MED30: variants seen among roughly 807,000 people sequenced by gnomAD.
The protein encoded by MED30 is mediator complex subunit 30.
In MED30, 8 loss-of-function variants were observed where a neutral mutation model predicts 21.7. The observed-to-expected ratio is 0.37, with a 90% confidence interval of 0.22 to 0.67. MED30 has a LOEUF of 0.67. MED30 is among the 30% of genes least tolerant of loss of function. The pLI is 0.58. For synonymous variants in MED30, 79 were observed against 86.7 expected (o/e 0.91, Z 0.49); for missense variants, 203 against 228.2 (o/e 0.89, Z 0.71).
intron 1 of MED30, chr8:117,523,377 T>A (rs1450578807): frequency 6.5e-7 from 1 of 1,545,798 alleles, no homozygotes; most frequent in African/African-American, 1.4e-5. Flanking sequence ...CAGCACTCCG[T>A]CTGTAGGTAT....
At chr8:117,530,555 G>A in intron 2 of MED30, 168 bp from the exon 3 acceptor site, 1 of 506,156 alleles carries the variant, frequency 2.0e-6, no homozygotes, top group Non-Finnish European at 3.5e-6. Flanking sequence ...AGAATGCATT[G>A]AAATGGTCAA....
chr8:117,523,592 A>G, intron 1 of MED30: 1 of 1,602,052 alleles, frequency 6.2e-7, no homozygotes. Flanking sequence ...TCCTTCACGT[A>G]GCCTCAGGAC....
chr8:117,534,897 A>T lies in MED30; in HGVS notation c.441+4070A>T, dbSNP rs1818850613. 2.1e-5 allele frequency among the ~76,000 whole-genome samples: 3 copies of T among 142,584 alleles called. 1 individual carries two copies. The highest frequency in any genetic ancestry group is 8.4e-3 in the Middle Eastern group (2 of 238). 93.5% of individuals were successfully genotyped at this position (142,584 alleles called of 152,430 possible). A position where few individuals can be genotyped will look rare whatever the true frequency, so the allele number is the denominator to read the frequency against. On this transcript the variant is annotated intron_variant, in intron 3 of 3. Coordinates refer to ENST00000297347, the MANE Select transcript of MED30 (RefSeq NM_080651.4). ...AAAAGGGCTTTTTAATTCATTCCTT[A>T]AAAAAATATATAAATGTGAATTAAA...
intron 3 of MED30, among the ~76,000 whole-genome samples, chr8:117,536,928 C>T (rs749785392): frequency 1.2e-4 from 18 of 152,104 alleles, no homozygotes; most frequent in Admixed American, 6.6e-4. Flanking sequence ...AAAAAAATCA[C>T]GAAAAACATC....
intron 1 of MED30, among the ~76,000 whole-genome samples, chr8:117,522,886 G>A (rs903273488): frequency 5.9e-5 from 9 of 152,060 alleles, no homozygotes; most frequent in Admixed American, 2.0e-4. Context: ...GCAAAGCACC[G>A]AATAATACCT....
At chr8:117,524,906 A>G (rs1174264910) in intron 1 of MED30, among the ~76,000 whole-genome samples, 1 of 152,164 alleles carries the variant, frequency 6.6e-6, no homozygotes, top group Non-Finnish European at 1.5e-5. Context: ...ATTCATACCC[A>G]TACAGAAAAT....
intron 1 of MED30, among the ~76,000 whole-genome samples, chr8:117,523,007 A>T (rs1265635392): frequency 1.3e-5 from 2 of 152,142 alleles, no homozygotes; most frequent in Non-Finnish European, 2.9e-5. Flanking sequence ...ATGAGAGAAA[A>T]AATAAATTAC....
chr8:117,530,990 C>A (rs935459764), intron 3 of MED30, among the ~76,000 whole-genome samples, 163 bp downstream of exon 3: 1 of 152,022 alleles, frequency 6.6e-6, no homozygotes, highest in Non-Finnish European at 1.5e-5. Flanking sequence ...GAAAGGTAAG[C>A]AGAAATGCTG....
intron 3 of MED30, among the ~76,000 whole-genome samples, chr8:117,539,650 G>C (rs914041633): frequency 2.6e-5 from 4 of 152,264 alleles, no homozygotes; most frequent in African/African-American, 9.6e-5. Context: ...GAGTAAGCAG[G>C]GCCTGGGGCC....
intron 3 of MED30, among the ~76,000 whole-genome samples, chr8:117,532,997 A>G (rs1412563695): frequency 2.0e-5 from 3 of 152,022 alleles, no homozygotes; most frequent in Non-Finnish European, 2.9e-5. Context: ...TTTTTATAAA[A>G]TATAATGAAA....
chr8:117,521,429 T>TA (rs1165047354), intron 1 of MED30, among the ~76,000 whole-genome samples: 8 of 151,804 alleles, frequency 5.3e-5, no homozygotes, highest in South Asian at 2.1e-4. Context: ...ACATTTTTTT[T>TA]AAAAAAACAG....
chr8:117,523,330 GC>G, intron 1 of MED30: 1 of 1,448,652 alleles, frequency 6.9e-7, no homozygotes. Context: ...TGTTGACCCA[GC>G]CCCAGTCTCG....
intron 1 of MED30, among the ~76,000 whole-genome samples, chr8:117,527,979 TTTC>T (rs1456519274): frequency 6.6e-6 from 1 of 151,874 alleles, no homozygotes; most frequent in African/African-American, 2.4e-5. Context: ...AATATATACT[TTTC>T]TTCTTTTGAT....
chr8:117,537,541 A>G (rs1421185620), intron 3 of MED30, among the ~76,000 whole-genome samples: 1 of 152,142 alleles, frequency 6.6e-6, no homozygotes, highest in Admixed American at 6.5e-5. Flanking sequence ...GCCTTATAAT[A>G]TATTAATTAT....
intron 1 of MED30, chr8:117,523,513 A>G: frequency 6.3e-7 from 1 of 1,593,596 alleles, no homozygotes; most frequent in Non-Finnish European, 8.6e-7. Flanking sequence ...GGGCAGATGA[A>G]GGTAATCACA....
At chr8:117,535,092 A>G (rs1818853484) in intron 3 of MED30, among the ~76,000 whole-genome samples, 1 of 151,896 alleles carries the variant, frequency 6.6e-6, no homozygotes, top group Non-Finnish European at 1.5e-5. Flanking sequence ...TCCTGGACCC[A>G]CCTACATAAT....
rs369081105 is a variant in MED30, at chr8:117,540,148, T to TATTA, written c.*173_*174insAATT. 1,863 of 416,724 alleles carry TATTA rather than the reference T, an allele frequency of 4.5e-3. 35 individuals carry two copies. Among genetic ancestry groups the TATTA allele is most frequent in the African/African-American group, 0.037 (1,741 of 47,598 alleles). The allele number at this position is 416,724 out of a possible 1,614,324, so 25.8% of individuals were successfully genotyped here. Reference sequence around the variant, plus strand: ...TTAAAATATTAACTTTTTTTAATGCTATTTTATGAAAGATTATTGTAATAA... The same window carrying TATTA: ...TTAAAATATTAACTTTTTTTAATGCTATTAATTTTATGAAAGATTATTGTAATAA... On this transcript the variant is annotated 3_prime_UTR_variant, in exon 4 of 4. Coordinates refer to ENST00000297347, the MANE Select transcript of MED30 (RefSeq NM_080651.4).
At chr8:117,522,380 C>T (rs1818638191) in intron 1 of MED30, among the ~76,000 whole-genome samples, 1 of 152,162 alleles carries the variant, frequency 6.6e-6, no homozygotes, top group African/African-American at 2.4e-5. Flanking sequence ...GTGGCAGATA[C>T]GGATCCAAGT....
chr8:117,522,906 G>A (rs1232551926), intron 1 of MED30, among the ~76,000 whole-genome samples: 1 of 152,096 alleles, frequency 6.6e-6, no homozygotes, highest in African/African-American at 2.4e-5. Flanking sequence ...TAACACTTAC[G>A]AAGTACTTTC....
Sources: allele counts gnomAD v4.1 joint callset (sites outside exome capture counted in the v4.1 genomes callset), GRCh38; gene constraint gnomAD v4.1.1; transcripts MANE v1.5; gene names NCBI Gene and HGNC (gene_info 2026-07-23, HGNC 2026-07-21).